The following TSPAN14 variants were observed in gnomAD, a reference collection of about 807,000 sequenced individuals.
The protein encoded by TSPAN14 is tetraspanin-14.
TSPAN14 carries 16 observed loss-of-function variants against 36.6 expected under a neutral mutation model. The ratio of observed to expected loss-of-function variants is 0.44; its 90% CI spans 0.30 to 0.66. TSPAN14 has a LOEUF of 0.66. Among genes scored for constraint, TSPAN14 ranks in the 30% least tolerant of loss-of-function variants. TSPAN14 has a pLI of 0.12. For missense variants in TSPAN14, 231 were observed against 355.1 expected, an observed-to-expected ratio of 0.65 and a Z score of 2.81; for synonymous variants, 139 against 143.8, an observed-to-expected ratio of 0.97 and a Z score of 0.24.
exon 7 of TSPAN14, chr10:80,514,025 G>A: frequency 6.2e-7 from 1 of 1,613,910 alleles, no homozygotes; most frequent in Non-Finnish European, 8.5e-7. Context: ...GCAGCAAAAA[G>A]TTGTGAACAC....
intron 1 of TSPAN14, among the ~76,000 whole-genome samples, chr10:80,484,760 G>C (rs566014317): frequency 3.3e-5 from 5 of 152,202 alleles, no homozygotes; most frequent in Non-Finnish European, 5.9e-5. Flanking sequence ...TTTGTTATCT[G>C]TTCAGGCTTG....
intron 1 of TSPAN14, among the ~76,000 whole-genome samples, chr10:80,487,485 C>T (rs2132008862): frequency 6.6e-6 from 1 of 152,248 alleles, no homozygotes; most frequent in African/African-American, 2.4e-5. Context: ...TCACTAAAAG[C>T]CCCACTTTAG....
chr10:80,459,053 C>T (rs1845857297), intron 1 of TSPAN14, among the ~76,000 whole-genome samples: 1 of 151,790 alleles, frequency 6.6e-6, no homozygotes, highest in African/African-American at 2.4e-5. Context: ...CCTTTTCTGT[C>T]TCACGGGGTT....
Position 80,489,330 on chromosome 10 carries a change from C to G in TSPAN14, c.81+16C>G. 1 of 1,475,484 alleles carries G rather than the reference C, an allele frequency of 6.8e-7. No homozygotes were observed. The highest frequency in any genetic ancestry group is 2.4e-5 in the East Asian group (1 of 42,020). 91.4% of individuals were successfully genotyped at this position (1,475,484 alleles called of 1,614,324 possible). On this transcript the variant is annotated intron_variant, in intron 2 of 8. Transcript: ENST00000429989. ...CATCTTCTGGGTAAGTGGATGAGAG[C>G]TGCCACATTCCCTTGTTTAGTCCTT...
At chr10:80,503,811 G>A (rs949753674) in intron 2 of TSPAN14, among the ~76,000 whole-genome samples, 10 of 152,154 alleles carry the variant, frequency 6.6e-5, no homozygotes, top group African/African-American at 2.4e-4. Flanking sequence ...GAGAAGCGTG[G>A]TCCTGTTATT....
At chr10:80,477,800 A>G (rs1016222941) in intron 1 of TSPAN14, among the ~76,000 whole-genome samples, 3 of 151,940 alleles carry the variant, frequency 2.0e-5, no homozygotes, top group Non-Finnish European at 4.4e-5. Context: ...TATAGAGACC[A>G]CCTCCATTCT....
At chr10:80,514,059 T>A in exon 7 of TSPAN14, 2 of 1,613,730 alleles carry the variant, frequency 1.2e-6, no homozygotes, top group African/African-American at 1.3e-5. Context: ...GATGTCAGGA[T>A]TCAGGTGAGA....
intron 1 of TSPAN14, among the ~76,000 whole-genome samples, chr10:80,475,735 T>A (rs1280760102): frequency 6.6e-6 from 1 of 152,130 alleles, no homozygotes; most frequent in African/African-American, 2.4e-5. Flanking sequence ...TATAGGCGCC[T>A]GCCACCACAC....
intron 2 of TSPAN14, among the ~76,000 whole-genome samples, chr10:80,501,201 A>G (rs1848498829): frequency 1.3e-5 from 2 of 151,560 alleles, no homozygotes; most frequent in Admixed American, 1.3e-4. Flanking sequence ...TGACCTCCCA[A>G]GTTCAAGCAG....
chr10:80,480,743 A>G lies in TSPAN14; in HGVS notation c.-17-8474A>G, dbSNP rs181524294. 3.7e-3 allele frequency among the ~76,000 whole-genome samples: 555 copies of G among 152,040 alleles called. 2 individuals are homozygous for G. The highest frequency in any genetic ancestry group is 4.5e-3 in the Non-Finnish European group (304 of 68,000). On this transcript the variant is annotated intron_variant, in intron 1 of 8. Coordinates refer to ENST00000429989, the Ensembl canonical transcript of TSPAN14. ...GGATTTGAACAAGGAGAACACATGG[A>G]CACAGGAAGGGGAACGTCACACTCT...
intron 1 of TSPAN14, chr10:80,485,806 T>G: frequency 1.0e-5 from 5 of 499,778 alleles, no homozygotes; most frequent in East Asian, 1.5e-4. Flanking sequence ...TTTATTGCAA[T>G]AGTTTCCTCT....
intron 6 of TSPAN14, 81 bp downstream of exon 6, chr10:80,512,350 G>A: frequency 6.4e-7 from 1 of 1,560,842 alleles, no homozygotes; most frequent in South Asian, 1.2e-5. Context: ...AGTGCTCTAG[G>A]ATACTTCTCT....
intron 4 of TSPAN14, among the ~76,000 whole-genome samples, chr10:80,508,093 T>C (rs1044226709): frequency 1.3e-5 from 2 of 151,848 alleles, no homozygotes; most frequent in Non-Finnish European, 2.9e-5. Context: ...TGTGTGCATA[T>C]GTGTGTTTCC....
At chr10:80,473,256 G>A (rs1444048826) in intron 1 of TSPAN14, among the ~76,000 whole-genome samples, 2 of 152,198 alleles carry the variant, frequency 1.3e-5, no homozygotes, top group Non-Finnish European at 2.9e-5. Context: ...TGACAGCACT[G>A]AGGTAGACAG....
chr10:80,490,407 G>C (rs1185804602), intron 2 of TSPAN14, among the ~76,000 whole-genome samples: 2 of 152,172 alleles, frequency 1.3e-5, no homozygotes. Context: ...TAGAGGTTGG[G>C]TCGAGGAAGA....
chr10:80,482,372 T>C (rs547043064), intron 1 of TSPAN14, among the ~76,000 whole-genome samples: 2,081 of 149,582 alleles, frequency 0.014, 63 homozygotes, highest in African/African-American at 0.05. Flanking sequence ...CTGCAACCTC[T>C]GCTTCCCAGG....
Position 80,509,592 on chromosome 10 carries a change from C to G in TSPAN14, c.450+121C>G. On this transcript the variant is annotated intron_variant, in intron 5 of 8. Transcript: ENST00000429989. The surrounding 1 kb of genome is among the most constrained non-coding windows in gnomAD (Gnocchi z 4.7). ...TGTCTGCCTGCAGCTTGGCAGACAG[C>G]AGGGAGGCCGTGGAACAAGCCACTC... is the stretch of plus-strand genomic sequence containing the variant. 1.9e-6 allele frequency: 2 copies of G among 1,079,126 alleles called. No individual in the cohort carries two copies. The highest frequency in any genetic ancestry group is 2.6e-6 in the Non-Finnish European group (2 of 761,174). The allele number at this position is 1,079,126 out of a possible 1,614,324, so 66.8% of individuals were successfully genotyped here. A position where few individuals can be genotyped will look rare whatever the true frequency, so the allele number is the denominator to read the frequency against.
At position 80,509,667 on chromosome 10, in the gene TSPAN14, G is replaced by T; in HGVS notation, c.450+196G>T. 1.6e-6 allele frequency: 1 copy of T among 611,868 alleles called. No homozygotes were observed. The highest frequency in any genetic ancestry group is 3.0e-5 in the East Asian group (1 of 33,326). The allele number at this position is 611,868 out of a possible 1,614,324, so 37.9% of individuals were successfully genotyped here. A position where few individuals can be genotyped will look rare whatever the true frequency, so the allele number is the denominator to read the frequency against. On this transcript the variant is annotated intron_variant, in intron 5 of 8. Transcript: ENST00000429989. This position sits in a 1 kb window ranked among gnomAD's most constrained non-coding sequence, Gnocchi z 4.7. ...CGGCTTGTGGTTGCCTGGTGGGCCA[G>T]CCCTTTCCCATTGGGATTGGGCAGG...
At chr10:80,504,385 G>A (rs919435719) in intron 2 of TSPAN14, among the ~76,000 whole-genome samples, 3 of 152,174 alleles carry the variant, frequency 2.0e-5, no homozygotes, top group African/African-American at 4.8e-5. Flanking sequence ...TGATGTCTTC[G>A]TATACACCAG....
Sources: allele counts gnomAD v4.1 joint callset (sites outside exome capture counted in the v4.1 genomes callset), GRCh38; gene constraint gnomAD v4.1.1; non-coding constraint Gnocchi (gnomAD v3.1); transcripts MANE v1.5; gene names NCBI Gene and HGNC (gene_info 2026-07-23, HGNC 2026-07-21).